Variants in DLG2 observed in about 807,000 individuals in gnomAD.
The protein encoded by DLG2 is disks large homolog 2.
Under a neutral mutation model 132.5 loss-of-function variants are expected in DLG2, and 45 were observed. The ratio of observed to expected loss-of-function variants is 0.34; its 90% CI spans 0.27 to 0.44. The LOEUF is 0.44. Among genes scored for constraint, DLG2 ranks in the 20% least tolerant of loss-of-function variants. The pLI is 1.00. For synonymous variants in DLG2, 424 were observed against 419.6 expected (o/e 1.01, Z -0.13); for missense variants, 1,045 against 1,196.9 (o/e 0.87, Z 1.87).
intron 6 of DLG2, among the ~76,000 whole-genome samples, chr11:84,742,908 T>C (rs1040181685): frequency 1.3e-5 from 2 of 152,184 alleles, no homozygotes; most frequent in South Asian, 4.1e-4. Flanking sequence ...ATACAATATG[T>C]AGCCTTTTAA....
chr11:84,032,599 C>T (rs1462891591), intron 11 of DLG2, among the ~76,000 whole-genome samples: 3 of 152,132 alleles, frequency 2.0e-5, no homozygotes, highest in Admixed American at 6.6e-5. Flanking sequence ...AGAGAAGTTG[C>T]AGCAAGTTAT....
intron 6 of DLG2, among the ~76,000 whole-genome samples, chr11:85,017,221 T>C (rs2059649085): frequency 6.6e-6 from 1 of 152,156 alleles, no homozygotes; most frequent in Non-Finnish European, 1.5e-5. Flanking sequence ...AACTATGTTC[T>C]AGTCTAAAAA....
At chr11:85,334,137 A>G (rs1253618592) in intron 3 of DLG2, among the ~76,000 whole-genome samples, 1 of 151,964 alleles carries the variant, frequency 6.6e-6, no homozygotes, top group East Asian at 1.9e-4. Flanking sequence ...CAGGGTTTCA[A>G]TTTCTTCCTG....
intron 6 of DLG2, among the ~76,000 whole-genome samples, chr11:84,696,641 C>T (rs933789885): frequency 2.0e-5 from 3 of 151,378 alleles, no homozygotes; most frequent in Non-Finnish European, 3.0e-5. Flanking sequence ...ACAAGACAGA[C>T]TGTCACTTGT....
chr11:84,032,819 A>G (rs764274113), intron 11 of DLG2, among the ~76,000 whole-genome samples: 2 of 152,126 alleles, frequency 1.3e-5, no homozygotes, highest in Non-Finnish European at 2.9e-5. Context: ...AGTGGAAGCC[A>G]ATGCTTATTT....
chr11:85,479,021 CTTAAGCTGACTACATGAGATTT>C lies in DLG2; in HGVS notation c.40+119614_40+119635del, dbSNP rs1467728977. ...GCATAAACAATGAAGAAAAAGATTT[CTTAAGCTGACTACATGAGATTT>C]TTAATTTTCTGCATCAAAAACCATC... is the stretch of plus-strand genomic sequence containing the variant. On this transcript the variant is annotated intron_variant, in intron 3 of 27. Coordinates refer to ENST00000376104, the MANE Select transcript of DLG2 (RefSeq NM_001142699.3). Among the ~76,000 whole-genome samples, 14 of 152,232 alleles carry C rather than the reference CTTAAGCTGACTACATGAGATTT, an allele frequency of 9.2e-5. 1 individual carries two copies. In the Middle Eastern group the frequency reaches 0.017, roughly 185 times the overall value.
chr11:83,984,218 ATAGATAGATAGATAG>A (rs2093054647), intron 11 of DLG2, among the ~76,000 whole-genome samples: 2 of 146,276 alleles, frequency 1.4e-5, no homozygotes, highest in African/African-American at 5.5e-5. Context: ...AGATAGATAG[ATAGATAGATAGATAG>A]ATAAAAATCG....
chr11:85,611,577 G>A (rs776666863), intron 2 of DLG2, among the ~76,000 whole-genome samples: 47 of 152,336 alleles, frequency 3.1e-4, no homozygotes, highest in Non-Finnish European at 3.7e-4. Context: ...TGATGTAACC[G>A]TACTTGAAAG....
intron 6 of DLG2, among the ~76,000 whole-genome samples, chr11:84,672,664 T>C (rs1168674684): frequency 1.3e-5 from 2 of 152,120 alleles, no homozygotes; most frequent in African/African-American, 4.8e-5. Flanking sequence ...GACAGACACC[T>C]GAGGCACTCC....
intron 3 of DLG2, among the ~76,000 whole-genome samples, chr11:85,595,064 CAA>C (rs947518185): frequency 1.7e-3 from 101 of 58,226 alleles, no homozygotes; most frequent in Middle Eastern, 8.5e-3. Flanking sequence ...GACTCTGTCT[CAA>C]AAAAAAAAAA....
intron 6 of DLG2, among the ~76,000 whole-genome samples, chr11:84,848,135 A>G (rs1055354842): frequency 6.6e-6 from 1 of 152,132 alleles, no homozygotes; most frequent in Admixed American, 6.6e-5. Flanking sequence ...TCTAATCAAC[A>G]TGCATTCCTT....
rs182924664 is a variant in DLG2 at position 83,474,206 on chromosome 11, A to G, written c.2294-1429T>C. On this transcript the variant is annotated intron_variant, in intron 22 of 27. Coordinates refer to ENST00000376104, the MANE Select transcript of DLG2 (RefSeq NM_001142699.3). ...AGGGGTTTGGTCAGTGAGGAGTCAG[A>G]TTCACTATTTCTTGTACTCAGGAAA... is the stretch of plus-strand genomic sequence containing the variant. Among the ~76,000 whole-genome samples the G allele has an allele frequency of 2.7e-3, 413 of 152,236 alleles. 1 individual carries two copies. The highest frequency in any genetic ancestry group is 0.02 in the Middle Eastern group (6 of 294).
intron 6 of DLG2, among the ~76,000 whole-genome samples, chr11:84,604,668 C>T (rs2099582330): frequency 6.6e-6 from 1 of 151,846 alleles, no homozygotes; most frequent in Non-Finnish European, 1.5e-5. Flanking sequence ...CTACAATGGA[C>T]TGAAAATAGG....
intron 19 of DLG2, among the ~76,000 whole-genome samples, chr11:83,548,041 G>A (rs2096282848): frequency 6.6e-6 from 1 of 152,132 alleles, no homozygotes; most frequent in Non-Finnish European, 1.5e-5. Flanking sequence ...AATGCTGAGG[G>A]TGACAGCTCA....
chr11:84,139,997 A>G (rs1419927554), intron 9 of DLG2, among the ~76,000 whole-genome samples: 1 of 152,126 alleles, frequency 6.6e-6, no homozygotes, highest in African/African-American at 2.4e-5. Flanking sequence ...TAAGAGAACT[A>G]TTTCTTTTGA....
chr11:85,218,148 T>C (rs1185808925), intron 4 of DLG2, among the ~76,000 whole-genome samples: 1 of 152,180 alleles, frequency 6.6e-6, no homozygotes, highest in Non-Finnish European at 1.5e-5. Flanking sequence ...TACGTGTCTG[T>C]TTTTGTACCA....
At chr11:84,405,813 A>C (rs1015830465) in intron 7 of DLG2, among the ~76,000 whole-genome samples, 1 of 151,966 alleles carries the variant, frequency 6.6e-6, no homozygotes, top group African/African-American at 2.4e-5. Flanking sequence ...ATATATAAAA[A>C]CTCAATTCAC....
At chr11:84,812,560 T>C (rs925171272) in intron 6 of DLG2, among the ~76,000 whole-genome samples, 15 of 152,134 alleles carry the variant, frequency 9.9e-5, no homozygotes, top group African/African-American at 3.4e-4. Context: ...CTAGTTACCA[T>C]AGCAGTCAGC....
At chr11:84,744,350 A>AT (rs1237199960) in intron 6 of DLG2, among the ~76,000 whole-genome samples, 4 of 152,248 alleles carry the variant, frequency 2.6e-5, no homozygotes, top group African/African-American at 9.6e-5. Flanking sequence ...AGGTGGGGCT[A>AT]TAAAATATAG....
Sources: gnomAD v4.1 joint callset for allele counts (sites outside exome capture counted in the v4.1 genomes callset) on GRCh38, gnomAD v4.1.1 for gene constraint, MANE v1.5 for transcripts, NCBI Gene and HGNC (gene_info 2026-07-23, HGNC 2026-07-21) for gene names.